GLI2: variants seen among roughly 807,000 people sequenced by gnomAD.
The protein encoded by GLI2 is GLI family zinc finger 2, also known as transcription activator GLI2.
GLI2 carries 22 observed loss-of-function variants against 78.9 expected under a neutral mutation model. The observed-to-expected ratio is 0.28, with a 90% CI of 0.20 to 0.40. GLI2 has a LOEUF of 0.40. Among genes scored for constraint, GLI2 ranks in the 10% least tolerant of loss-of-function variants. The pLI, the probability that GLI2 is intolerant of heterozygous loss-of-function variation, is 1.00. For missense variants in GLI2, 2,097 were observed against 2,213.2 expected, an observed-to-expected ratio of 0.95 and a Z score of 1.05; for synonymous variants, 974 against 963.7, an observed-to-expected ratio of 1.01 and a Z score of -0.20.
At chr2:120,795,840 A>T (rs13390760) in intron 1 of GLI2, among the ~76,000 whole-genome samples, 40 of 151,954 alleles carry the variant, frequency 2.6e-4, no homozygotes, top group African/African-American at 7.0e-4. Context: ...ACCTGAGGTC[A>T]GGAGTTTGAG....
chr2:120,982,601 C>A, intron 10 of GLI2, 115 bp from the exon 11 acceptor site: 1 of 788,170 alleles, frequency 1.3e-6, no homozygotes. Context: ...ATGCATGCTT[C>A]TGAGTGCGCT....
At chr2:120,951,516 C>A in intron 4 of GLI2, 71 bp downstream of exon 4, 1 of 894,216 alleles carries the variant, frequency 1.1e-6, no homozygotes, top group Non-Finnish European at 1.8e-6. Flanking sequence ...CTCTCTCACG[C>A]TAACACTGTC....
At chr2:120,902,429 G>A (rs1019342570) in intron 2 of GLI2, among the ~76,000 whole-genome samples, 5 of 152,178 alleles carry the variant, frequency 3.3e-5, no homozygotes, top group Non-Finnish European at 7.3e-5. Context: ...AGTGGGAGGG[G>A]AAACAGTCCC....
chr2:120,943,680 C>T (rs1300664166), intron 3 of GLI2, among the ~76,000 whole-genome samples: 2 of 152,204 alleles, frequency 1.3e-5, no homozygotes, highest in Admixed American at 6.5e-5. Context: ...GCTGTTCCTG[C>T]CTGTGTCTGG....
At chr2:120,983,725 G>A (rs554202626) in intron 11 of GLI2, among the ~76,000 whole-genome samples, 16 of 152,264 alleles carry the variant, frequency 1.1e-4, no homozygotes, top group East Asian at 7.7e-4. Flanking sequence ...AATTACTGTC[G>A]CTCAGGCTTA....
chr2:120,817,250 T>C (rs1197090000), intron 2 of GLI2, among the ~76,000 whole-genome samples: 1 of 152,218 alleles, frequency 6.6e-6, no homozygotes, highest in Non-Finnish European at 1.5e-5. Context: ...AAGTGCGTAA[T>C]GTCAGCTTGG....
At chr2:120,814,741 GC>G (rs199900545) in intron 2 of GLI2, among the ~76,000 whole-genome samples, 4,640 of 152,052 alleles carry the variant, frequency 0.031, 237 homozygotes, top group African/African-American at 0.1. Flanking sequence ...AATGCCTGAT[GC>G]ACCTGAGGTG....
chr2:120,932,484 G>T (rs1460722878), intron 3 of GLI2, among the ~76,000 whole-genome samples: 1 of 152,076 alleles, frequency 6.6e-6, no homozygotes, highest in Non-Finnish European at 1.5e-5. Flanking sequence ...TGCCCCTCCG[G>T]AGTACCTTGG....
intron 11 of GLI2, among the ~76,000 whole-genome samples, chr2:120,983,649 T>C (rs1176659318): frequency 6.6e-6 from 1 of 152,168 alleles, no homozygotes; most frequent in East Asian, 1.9e-4. Flanking sequence ...GCAGAGCCCC[T>C]ATCTGGGCTG....
At chr2:120,864,499 G>A (rs1386068744) in intron 2 of GLI2, among the ~76,000 whole-genome samples, 2 of 151,948 alleles carry the variant, frequency 1.3e-5, no homozygotes, top group African/African-American at 2.4e-5. Context: ...ACGGAGTCTC[G>A]CTCTGTCTGT....
chr2:120,911,537 A>C (rs1187936), intron 2 of GLI2, among the ~76,000 whole-genome samples: 72,660 of 151,942 alleles, frequency 0.48, 20,204 homozygotes, highest in African/African-American at 0.78. Flanking sequence ...TTAGACTGAC[A>C]GTCGGTAGCT....
intron 13 of GLI2, among the ~76,000 whole-genome samples, chr2:120,987,509 T>C (rs553283204): frequency 2.6e-5 from 4 of 152,256 alleles, no homozygotes; most frequent in African/African-American, 4.8e-5. Flanking sequence ...TGAAGAGCCA[T>C]TGGGGGTCCT....
chr2:120,973,132 A>G (rs564300661), intron 8 of GLI2, among the ~76,000 whole-genome samples: 3 of 152,270 alleles, frequency 2.0e-5, no homozygotes, highest in Admixed American at 6.5e-5. Flanking sequence ...CTTAATTTTC[A>G]TGAAATATTG....
intron 2 of GLI2, among the ~76,000 whole-genome samples, chr2:120,822,860 A>AT (rs1685848234): frequency 6.6e-6 from 1 of 152,158 alleles, no homozygotes; most frequent in African/African-American, 2.4e-5. Flanking sequence ...TTCCCATCTG[A>AT]TTTTATTTTC....
chr2:120,842,355 G>GT (rs911813254), intron 2 of GLI2, among the ~76,000 whole-genome samples: 12 of 151,662 alleles, frequency 7.9e-5, no homozygotes, highest in East Asian at 7.7e-4. Context: ...TCAGCATCTT[G>GT]TTTTTTTTGC....
chr2:120,965,637 A>G (rs575420355), intron 5 of GLI2, among the ~76,000 whole-genome samples: 1 of 131,852 alleles, frequency 7.6e-6, no homozygotes, highest in Non-Finnish European at 1.6e-5. Context: ...CGGGATGCAG[A>G]TGCTGCGGCA....
chr2:120,985,484 T>C (rs761030207), intron 12 of GLI2, among the ~76,000 whole-genome samples: 14 of 151,852 alleles, frequency 9.2e-5, no homozygotes, highest in Non-Finnish European at 1.9e-4. Flanking sequence ...GTCCTGAGGG[T>C]CAAACAGAAA....
rs560850755 is a variant in GLI2 at position 120,743,915 on chromosome 2, G to C, written c.-31+7630G>C. On this transcript the variant is annotated intron_variant, in intron 1 of 13. Coordinates refer to ENST00000361492, the MANE Select transcript of GLI2 (RefSeq NM_001374353.1). ...AGGGAAGGTCTTGGGTACCCCCTGG[G>C]GAGAGTTGGGTGCCTGTCAAGGAAT... Among the ~76,000 whole-genome samples, 9 of 152,316 alleles carry C rather than the reference G, an allele frequency of 5.9e-5. No individual in the cohort carries two copies. In the East Asian group the frequency reaches 1.7e-3, roughly 29 times the overall value.
intron 2 of GLI2, among the ~76,000 whole-genome samples, chr2:120,884,114 C>T (rs1677286314): frequency 6.6e-6 from 1 of 152,210 alleles, no homozygotes; most frequent in South Asian, 2.1e-4. Flanking sequence ...CCACAGAACA[C>T]CAGCTTTCCT....
Sources: allele counts gnomAD v4.1 joint callset (sites outside exome capture counted in the v4.1 genomes callset), GRCh38; gene constraint gnomAD v4.1.1; transcripts MANE v1.5; gene names NCBI Gene and HGNC (gene_info 2026-07-23, HGNC 2026-07-21).